The following BUB1 variants were observed in gnomAD, a reference collection of about 807,000 sequenced individuals.
BUB1 encodes mitotic checkpoint serine/threonine-protein kinase BUB1.
A neutral mutation model predicts 135.2 loss-of-function variants in BUB1; 84 were observed. The observed-to-expected ratio is 0.62, with a 90% CI of 0.52 to 0.74. The LOEUF is 0.74. Ranked by LOEUF, BUB1 falls within the 30% of genes least tolerant of loss-of-function variation. BUB1 has a pLI of 0.00. For missense variants in BUB1, 1,162 were observed against 1,288.3 expected, an observed-to-expected ratio of 0.90 and a Z score of 1.50; for synonymous variants, 403 against 434.4, an observed-to-expected ratio of 0.93 and a Z score of 0.90.
intron 9 of BUB1, among the ~76,000 whole-genome samples, chr2:110,663,037 G>T (rs567153868): frequency 1.6e-4 from 24 of 152,204 alleles, no homozygotes; most frequent in African/African-American, 4.8e-4. Context: ...ACATAAGAAA[G>T]TTGGAGGCCG....
At chr2:110,655,001 C>A (rs1360315740) in intron 16 of BUB1, among the ~76,000 whole-genome samples, 1 of 152,202 alleles carries the variant, frequency 6.6e-6, no homozygotes, top group African/African-American at 2.4e-5. Flanking sequence ...ATTTTGGTAT[C>A]TGCAGGGGTT....
intron 23 of BUB1, 95 bp downstream of exon 23, chr2:110,640,939 C>T: frequency 7.6e-7 from 1 of 1,321,332 alleles, no homozygotes; most frequent in Non-Finnish European, 1.0e-6. Flanking sequence ...CCTCAAAAGA[C>T]CACCTCAAAC....
chr2:110,643,349 C>T (rs1689554648), intron 19 of BUB1, among the ~76,000 whole-genome samples: 1 of 152,054 alleles, frequency 6.6e-6, no homozygotes, highest in African/African-American at 2.4e-5. Flanking sequence ...CGTAGGGAAA[C>T]CCAAAGATAA....
In BUB1 at chr2:110,637,981, T is replaced by C. The variant is rs1203352516; in HGVS notation, c.3241A>G (p.Lys1081Glu). ...TCCAAATTTTATTTTCGTGAACGCT[T>C]ACATTCTAAGAGCAGTACAATTAGC... is the stretch of plus-strand genomic sequence containing the variant. ...NRLIVLLLEC[K>E]RSRK The change falls in exon 25 of 25, where the codon AAG becomes GAG. Residue 1081 changes from lysine (K) to glutamate (E), a missense_variant. Lys to Glu is a moderately conservative substitution (Grantham distance 56). Transcript: ENST00000302759. 1 of 1,510,522 alleles carries C rather than the reference T, an allele frequency of 6.6e-7. No individual in the cohort carries two copies. Among genetic ancestry groups the C allele is most frequent in the Non-Finnish European group, 8.9e-7 (1 of 1,127,188 alleles). 93.6% of individuals were successfully genotyped at this position (1,510,522 alleles called of 1,614,324 possible). A position where few individuals can be genotyped will look rare whatever the true frequency, so the allele number is the denominator to read the frequency against.
chr2:110,639,162 G>A (rs1469503773), intron 24 of BUB1, among the ~76,000 whole-genome samples: 3 of 151,974 alleles, frequency 2.0e-5, no homozygotes, highest in East Asian at 1.9e-4. Context: ...CACACATTGT[G>A]TTAGGAGAGC....
chr2:110,671,574 A>G (rs1161771001), intron 4 of BUB1, among the ~76,000 whole-genome samples: 1 of 152,244 alleles, frequency 6.6e-6, no homozygotes, highest in Non-Finnish European at 1.5e-5. Context: ...AGAGGGGAAG[A>G]GTAAACAATT....
chr2:110,658,718 T>C lies in BUB1; in HGVS notation c.1301A>G (p.Asn434Ser), dbSNP rs1690000310. The C allele has an allele frequency of 6.2e-7, 1 of 1,614,202 alleles. No individual in the cohort carries two copies. The highest frequency in any genetic ancestry group is 8.5e-7 in the Non-Finnish European group (1 of 1,180,022). ...KEGCETHKVA[N>S]TSSFHTTPNT... ...TGGAGTTGTGTGAAAAGAACTTGTG[T>C]TGGCAACCTTATGTGTTTCACACCC... Residue 434 changes from asparagine to serine, a missense_variant, in exon 12 of 25, where the codon AAC (asparagine) becomes AGC (serine). Asn to Ser is a conservative substitution (Grantham distance 46). Coordinates refer to ENST00000302759, the MANE Select transcript of BUB1 (RefSeq NM_004336.5).
At chr2:110,667,489 A>G in intron 8 of BUB1, 32 bp downstream of exon 8, 1 of 1,573,218 alleles carries the variant, frequency 6.4e-7, no homozygotes, top group Non-Finnish European at 8.6e-7. Context: ...TATGTGACAT[A>G]AGAATAACTA....
intron 18 of BUB1, 51 bp downstream of exon 18, chr2:110,650,495 C>T (rs1254552100): frequency 5.2e-6 from 8 of 1,553,234 alleles, no homozygotes; most frequent in Non-Finnish European, 6.2e-6. Context: ...GACAGCTTTC[C>T]CCATGCTCCT....
rs757006684 is a variant in BUB1, at chr2:110,677,952, C to A, written c.26+18G>T. 6 of 1,606,904 alleles carry A rather than the reference C, an allele frequency of 3.7e-6. No individual in the cohort carries two copies. Among genetic ancestry groups the A allele is most frequent in the Non-Finnish European group, 5.1e-6 (6 of 1,177,062 alleles). ...CCCAGCCCCCTGGGCTTCCCCACCC[C>A]ACCAGACGGACACTTACTGAAGGAC... On this transcript the variant is annotated intron_variant, in intron 1 of 24. Transcript: ENST00000302759.
chr2:110,653,830 C>G (rs956766868), intron 16 of BUB1, among the ~76,000 whole-genome samples: 1 of 151,960 alleles, frequency 6.6e-6, no homozygotes, highest in Non-Finnish European at 1.5e-5. Context: ...ATAGTGAGAC[C>G]CTATCCCTAA....
intron 15 of BUB1, 63 bp from the exon 16 acceptor site, chr2:110,655,979 T>C: frequency 6.8e-7 from 1 of 1,464,946 alleles, no homozygotes; most frequent in Non-Finnish European, 9.4e-7. Context: ...TGAAACCTTA[T>C]TCAATAACAC....
chr2:110,670,341 T>C (rs1476922998), intron 5 of BUB1, among the ~76,000 whole-genome samples, 184 bp downstream of exon 5: 1 of 152,034 alleles, frequency 6.6e-6, no homozygotes, highest in East Asian at 1.9e-4. Flanking sequence ...TTTCACCATG[T>C]TGGCCAGGCT....
intron 19 of BUB1, among the ~76,000 whole-genome samples, chr2:110,644,769 T>A (rs955996504): frequency 6.6e-6 from 1 of 152,132 alleles, no homozygotes; most frequent in Non-Finnish European, 1.5e-5. Context: ...CTAAAGTACT[T>A]AGAAATTTGG....
At position 110,674,304 on chromosome 2, in the gene BUB1, A is replaced by T. The variant is rs1559176579; in HGVS notation, c.86+2T>A. The T allele has an allele frequency of 1.2e-6, 2 of 1,614,038 alleles. No homozygotes were observed. The highest frequency in any genetic ancestry group is 1.7e-6 in the Non-Finnish European group (2 of 1,179,968). On this transcript the variant is annotated splice_donor_variant, in intron 2 of 24. Transcript: ENST00000302759. LOFTEE classifies it high-confidence loss of function. Reference sequence around the variant, plus strand: ...AGGGAAATAAAATAACTAAATGCTGACCTTTCCCATTCACCAAGAGGGTCA... The same window carrying T: ...AGGGAAATAAAATAACTAAATGCTGTCCTTTCCCATTCACCAAGAGGGTCA...
intron 19 of BUB1, among the ~76,000 whole-genome samples, chr2:110,647,556 TAA>T (rs532404356): frequency 6.8e-5 from 10 of 147,456 alleles, no homozygotes; most frequent in Admixed American, 2.7e-4. Context: ...CACTTATGAT[TAA>T]AAAAAAAACC....
At chr2:110,662,020 A>T in intron 9 of BUB1, 179 bp from the exon 10 acceptor site, 6 of 681,594 alleles carry the variant, frequency 8.8e-6, no homozygotes, top group Admixed American at 3.1e-5. Context: ...CAAAAAGACC[A>T]CTCTACAAAA....
chr2:110,667,217 T>C (rs1356762798), intron 8 of BUB1, among the ~76,000 whole-genome samples: 1 of 152,232 alleles, frequency 6.6e-6, no homozygotes, highest in Non-Finnish European at 1.5e-5. Flanking sequence ...TCTAATTTAG[T>C]ACTCTTTCAA....
chr2:110,639,032 C>A (rs141523401), intron 24 of BUB1, among the ~76,000 whole-genome samples: 13 of 151,922 alleles, frequency 8.6e-5, no homozygotes, highest in African/African-American at 2.7e-4. Flanking sequence ...TTAGGCTGTA[C>A]ACTTAAGATG....
Sources: allele counts gnomAD v4.1 joint callset (sites outside exome capture counted in the v4.1 genomes callset), GRCh38; gene constraint gnomAD v4.1.1; transcripts MANE v1.5; gene names NCBI Gene and HGNC (gene_info 2026-07-23, HGNC 2026-07-21).